Variants in AUTS2 observed in about 807,000 individuals in gnomAD.
AUTS2 encodes the protein activator of transcription and developmental regulator AUTS2.
In AUTS2, 17 loss-of-function variants were observed where a neutral mutation model predicts 112.4. That is an observed-to-expected ratio of 0.15 (90% CI 0.10 to 0.23). The LOEUF is 0.23. AUTS2 is among the 10% of genes least tolerant of loss of function. The pLI is 1.00. For missense variants in AUTS2, 1,510 were observed against 1,701.6 expected (o/e 0.89, Z 1.98); for synonymous variants, 751 against 702.7 (o/e 1.07, Z -1.09).
intron 6 of AUTS2, among the ~76,000 whole-genome samples, chr7:70,761,116 G>T (rs1269581551): frequency 2.6e-5 from 4 of 152,210 alleles, no homozygotes; most frequent in African/African-American, 9.7e-5. Flanking sequence ...AGGAATAATG[G>T]CAAACAAGTG....
chr7:70,072,821 T>C (rs1802838628), intron 2 of AUTS2, among the ~76,000 whole-genome samples: 1 of 152,208 alleles, frequency 6.6e-6, no homozygotes, highest in Non-Finnish European at 1.5e-5. Context: ...CATTGTCTCT[T>C]TGAGGATGAG....
chr7:70,124,044 C>T (rs1163583848), intron 3 of AUTS2, among the ~76,000 whole-genome samples: 1 of 152,006 alleles, frequency 6.6e-6, no homozygotes, highest in Non-Finnish European at 1.5e-5. Context: ...TAATAATAGC[C>T]ATTTGACTGG....
intron 4 of AUTS2, among the ~76,000 whole-genome samples, chr7:70,135,952 C>G (rs1164686650): frequency 6.6e-6 from 1 of 152,152 alleles, no homozygotes; most frequent in South Asian, 2.1e-4. Context: ...CTTTCTTCAG[C>G]AGAAAGAAGG....
chr7:70,620,733 C>T (rs1304314936), intron 5 of AUTS2, among the ~76,000 whole-genome samples: 1 of 152,178 alleles, frequency 6.6e-6, no homozygotes, highest in African/African-American at 2.4e-5. Context: ...TTTTAATTTT[C>T]CTTTAGGGAG....
rs532701459 is a variant in AUTS2, at chr7:69,646,949, G to T, written c.309+46987G>T. Among the ~76,000 whole-genome samples, 12 of 152,124 alleles carry T rather than the reference G, an allele frequency of 7.9e-5. No homozygotes were observed. In the South Asian group the frequency reaches 1.9e-3, roughly 24 times the overall value. On this transcript the variant is annotated intron_variant, in intron 1 of 18. Coordinates refer to ENST00000342771, the MANE Select transcript of AUTS2 (RefSeq NM_015570.4). The stretch of plus-strand genomic sequence containing the variant: ...AAAAAATACAAAAAATTAGCCGCGC[G>T]TAGTGGCGGGCGCCTGTAGTCCCAG...
chr7:70,566,868 TG>T (rs2129524648), intron 5 of AUTS2, among the ~76,000 whole-genome samples: 1 of 152,362 alleles, frequency 6.6e-6, no homozygotes, highest in East Asian at 1.9e-4. Context: ...TCGCAATAGC[TG>T]TCTTTCACTG....
chr7:70,496,320 TCACA>T (rs200145720), intron 5 of AUTS2, among the ~76,000 whole-genome samples: 146 of 58,816 alleles, frequency 2.5e-3, no homozygotes, highest in African/African-American at 0.011. Flanking sequence ...ACGTACACAG[TCACA>T]CACACGCACA....
chr7:70,054,194 A>G (rs1470002926), intron 2 of AUTS2, among the ~76,000 whole-genome samples: 1 of 152,164 alleles, frequency 6.6e-6, no homozygotes, highest in East Asian at 1.9e-4. Context: ...TTGCATAGCC[A>G]TGTGTAGCCA....
At chr7:70,499,998 TGCCATA>T (rs1400262821) in intron 5 of AUTS2, among the ~76,000 whole-genome samples, 1 of 151,962 alleles carries the variant, frequency 6.6e-6, no homozygotes, top group Non-Finnish European at 1.5e-5. Flanking sequence ...ACGTGTGGAG[TGCCATA>T]GCTCAAGACA....
intron 13 of AUTS2, chr7:70,776,900 G>A: frequency 1.6e-6 from 1 of 614,536 alleles, no homozygotes; most frequent in Admixed American, 2.9e-5. Context: ...AAACCCACGT[G>A]GGGAGAGAGG....
chr7:70,504,626 G>A (rs1485618227), intron 5 of AUTS2, among the ~76,000 whole-genome samples: 1 of 152,150 alleles, frequency 6.6e-6, no homozygotes, highest in Non-Finnish European at 1.5e-5. Context: ...TACTTGATTG[G>A]TATCTTCTCC....
At chr7:70,261,836 G>A (rs192269247) in intron 4 of AUTS2, among the ~76,000 whole-genome samples, 5 of 152,222 alleles carry the variant, frequency 3.3e-5, no homozygotes, top group South Asian at 2.1e-4. Context: ...CCTCAGGAGC[G>A]CCTCTTTGAT....
chr7:69,914,598 A>G (rs546592779), intron 2 of AUTS2, among the ~76,000 whole-genome samples: 1 of 151,906 alleles, frequency 6.6e-6, no homozygotes, highest in South Asian at 2.1e-4. Context: ...GCCTGTCAGG[A>G]TGGTAGAATT....
intron 2 of AUTS2, among the ~76,000 whole-genome samples, chr7:70,112,112 A>G (rs546964632): frequency 6.6e-6 from 1 of 151,998 alleles, no homozygotes; most frequent in African/African-American, 2.4e-5. Context: ...AAAATACATT[A>G]AGTCCATGAG....
intron 4 of AUTS2, among the ~76,000 whole-genome samples, chr7:70,366,847 A>T (rs1468527694): frequency 6.6e-6 from 1 of 152,178 alleles, no homozygotes; most frequent in African/African-American, 2.4e-5. Flanking sequence ...TGTCCAATAC[A>T]GGGGGAGGAT....
chr7:69,635,543 C>T (rs1477361710), intron 1 of AUTS2, among the ~76,000 whole-genome samples: 2 of 152,128 alleles, frequency 1.3e-5, no homozygotes, highest in African/African-American at 4.8e-5. Context: ...CCTGCAGTAC[C>T]AGAGGGCACC....
chr7:70,647,897 A>G (rs1585434809), intron 5 of AUTS2, among the ~76,000 whole-genome samples: 3 of 152,236 alleles, frequency 2.0e-5, no homozygotes, highest in South Asian at 2.1e-4. Flanking sequence ...TAAGAAGTCC[A>G]TTGTACTGAT....
intron 4 of AUTS2, among the ~76,000 whole-genome samples, chr7:70,272,434 G>A (rs1787737477): frequency 6.6e-6 from 1 of 152,086 alleles, no homozygotes; most frequent in Admixed American, 6.6e-5. Context: ...AATATCAGAG[G>A]GGACATGTAA....
intron 1 of AUTS2, among the ~76,000 whole-genome samples, chr7:69,610,116 A>G (rs1792949935): frequency 6.6e-6 from 1 of 152,254 alleles, no homozygotes; most frequent in African/African-American, 2.4e-5. Context: ...TGCAGCAGCC[A>G]TGGAATGTAT....
Sources: allele counts gnomAD v4.1 joint callset (sites outside exome capture counted in the v4.1 genomes callset), GRCh38; gene constraint gnomAD v4.1.1; transcripts MANE v1.5; gene names NCBI Gene and HGNC (gene_info 2026-07-23, HGNC 2026-07-21).